PCSK6: variants seen among roughly 807,000 people sequenced by gnomAD.
The protein encoded by PCSK6 is proprotein convertase subtilisin/kexin type 6.
In PCSK6, 85 loss-of-function variants were observed where a neutral mutation model predicts 123.3. The observed-to-expected ratio is 0.69, with a 90% confidence interval of 0.58 to 0.83. The LOEUF (loss-of-function observed/expected upper bound fraction) is 0.83. Ranked by LOEUF, PCSK6 falls within the 40% of genes least tolerant of loss-of-function variation. The probability of loss-of-function intolerance (pLI) is 0.00; values close to 1 mark genes in which losing one functional copy is unlikely to be tolerated. For missense variants in PCSK6, 1,191 were observed against 1,282.3 expected (o/e 0.93, Z 1.09); for synonymous variants, 508 against 516.0 (o/e 0.98, Z 0.21).
At chr15:101,316,908 C>CTTTTTTTTTT (rs2040001564) in intron 19 of PCSK6, among the ~76,000 whole-genome samples, 21 of 91,670 alleles carry the variant, frequency 2.3e-4, no homozygotes, top group South Asian at 1.3e-3. Context: ...AGACTTAATT[C>CTTTTTTTTTT]TGTTTTTTTT....
intron 11 of PCSK6, among the ~76,000 whole-genome samples, chr15:101,381,205 T>C (rs555607238): frequency 2.0e-5 from 3 of 151,916 alleles, no homozygotes; most frequent in African/African-American, 7.2e-5. Flanking sequence ...CTACTAAAAA[T>C]ACAAAAAAAC....
At chr15:101,370,748 T>A (rs546643645) in intron 11 of PCSK6, among the ~76,000 whole-genome samples, 1 of 152,388 alleles carries the variant, frequency 6.6e-6, no homozygotes, top group African/African-American at 2.4e-5. Context: ...TTACAGAGAT[T>A]TGAAAGATGG....
chr15:101,352,786 G>A (rs932080802), intron 13 of PCSK6, among the ~76,000 whole-genome samples: 6 of 152,150 alleles, frequency 3.9e-5, no homozygotes, highest in African/African-American at 9.7e-5. Flanking sequence ...ATTTTGTTGC[G>A]ATGTTGATGA....
intron 11 of PCSK6, 111 bp from the exon 12 acceptor site, chr15:101,370,634 C>G (rs2041555060): frequency 9.6e-7 from 1 of 1,041,612 alleles, no homozygotes; most frequent in South Asian, 2.8e-5. Flanking sequence ...CCTCAGGGCC[C>G]TGCGGGCCCC....
intron 1 of PCSK6, among the ~76,000 whole-genome samples, chr15:101,446,969 T>C (rs2056907178): frequency 6.6e-6 from 1 of 152,162 alleles, no homozygotes; most frequent in African/African-American, 2.4e-5. Flanking sequence ...TGTGAGGTTT[T>C]CATCACGGGC....
chr15:101,465,234 G>A (rs1057314647), intron 1 of PCSK6, among the ~76,000 whole-genome samples: 5 of 152,204 alleles, frequency 3.3e-5, no homozygotes, highest in African/African-American at 1.2e-4. Context: ...ATGGCCACTT[G>A]TTGCCAGGCG....
At chr15:101,405,487 CG>C (rs1464120313) in intron 6 of PCSK6, among the ~76,000 whole-genome samples, 4 of 152,110 alleles carry the variant, frequency 2.6e-5, no homozygotes, top group Admixed American at 2.0e-4. Flanking sequence ...GGGAAGAACT[CG>C]GGGTGCTATG....
intron 2 of PCSK6, among the ~76,000 whole-genome samples, chr15:101,440,928 G>C (rs150077528): frequency 6.6e-6 from 1 of 152,186 alleles, no homozygotes; most frequent in Admixed American, 6.5e-5. Context: ...TTTCAGTTGC[G>C]ATTCTGAATT....
At chr15:101,447,557 A>C (rs2056923058) in intron 1 of PCSK6, among the ~76,000 whole-genome samples, 1 of 152,236 alleles carries the variant, frequency 6.6e-6, no homozygotes, top group South Asian at 2.1e-4. Context: ...AGTAGGGTTT[A>C]AGATGACTGC....
intron 13 of PCSK6, among the ~76,000 whole-genome samples, chr15:101,353,919 C>A (rs1005073160): frequency 1.6e-4 from 25 of 152,172 alleles, no homozygotes; most frequent in African/African-American, 6.0e-4. Context: ...AAAGGAGAAT[C>A]TAAACACTCA....
At position 101,341,352 on chromosome 15, in the gene PCSK6, G is replaced by A. The variant is rs549640483; in HGVS notation, c.1859-9321C>T. The stretch of plus-strand genomic sequence containing the variant: ...CAACCTCTGCCTCCTGGATTCAAGT[G>A]ATCCTCCTGCCTCAGCCTCCCAAGT... On this transcript the variant is annotated intron_variant, in intron 13 of 21. Coordinates refer to ENST00000611716, the MANE Select transcript of PCSK6 (RefSeq NM_002570.5). Among the ~76,000 whole-genome samples the A allele has an allele frequency of 2.0e-4, 30 of 150,458 alleles. No individual in the cohort carries two copies. The South Asian group carries it at 6.1e-3, about 31-fold the overall frequency.
At chr15:101,412,585 G>A (rs2055727816) in intron 6 of PCSK6, among the ~76,000 whole-genome samples, 1 of 151,186 alleles carries the variant, frequency 6.6e-6, no homozygotes, top group Non-Finnish European at 1.5e-5. Flanking sequence ...ACGATATAAA[G>A]AGGAACCAAG....
Position 101,400,153 on chromosome 15 carries a change from T to C in PCSK6, c.824-1577A>G, listed in dbSNP as rs553982468. Among the ~76,000 whole-genome samples the C allele has an allele frequency of 2.0e-5, 3 of 152,190 alleles. No individual in the cohort carries two copies. The South Asian group carries it at 6.2e-4, about 32-fold the overall frequency. The stretch of plus-strand genomic sequence containing the variant: ...AATCATCCCACCTCAGCCTCCCGAG[T>C]AGCTAGGATCACAGGTGCACACCAC... On this transcript the variant is annotated intron_variant, in intron 6 of 21. Transcript: ENST00000611716.
At chr15:101,435,516 C>T (rs954877482) in intron 2 of PCSK6, among the ~76,000 whole-genome samples, 3 of 152,216 alleles carry the variant, frequency 2.0e-5, no homozygotes, top group African/African-American at 4.8e-5. Context: ...TCTTTAACGT[C>T]ATACTTTGAA....
intron 7 of PCSK6, among the ~76,000 whole-genome samples, chr15:101,394,254 A>T (rs374210190): frequency 1.3e-5 from 2 of 151,406 alleles, no homozygotes; most frequent in East Asian, 3.9e-4. Flanking sequence ...TGCCTATAGA[A>T]GTGTGCCGCC....
In PCSK6 at chr15:101,379,194, C is replaced by T. The variant is rs1412758279; in HGVS notation, c.1532+2898G>A. Among the ~76,000 whole-genome samples, 4 of 152,254 alleles carry T rather than the reference C, an allele frequency of 2.6e-5. No homozygotes were observed. The East Asian group carries it at 5.8e-4, about 22-fold the overall frequency. Reference sequence around the variant, plus strand: ...AGCCCATTTGACTCTTCCTGTCAGTCACCGCCATGAGGACAGTCTCCCTGA... The same window carrying T: ...AGCCCATTTGACTCTTCCTGTCAGTTACCGCCATGAGGACAGTCTCCCTGA... On this transcript the variant is annotated intron_variant, in intron 11 of 21. Transcript: ENST00000611716.
intron 7 of PCSK6, among the ~76,000 whole-genome samples, chr15:101,396,376 C>A (rs1567189428): frequency 6.6e-6 from 1 of 152,144 alleles, no homozygotes; most frequent in Non-Finnish European, 1.5e-5. Context: ...ACAACCAGGA[C>A]CCCTCCTGGA....
chr15:101,448,829 G>T (rs1393443826), intron 1 of PCSK6, among the ~76,000 whole-genome samples: 1 of 152,196 alleles, frequency 6.6e-6, no homozygotes, highest in Admixed American at 6.5e-5. Context: ...TTCTTTCCCA[G>T]AGAACCAGTA....
At chr15:101,365,038 A>C (rs1193804689) in intron 13 of PCSK6, 4 of 775,878 alleles carry the variant, frequency 5.2e-6, no homozygotes, top group Admixed American at 5.1e-5. Flanking sequence ...AGGAGTCTCA[A>C]GATCACCTAA....
Sources: gnomAD v4.1 joint callset for allele counts (sites outside exome capture counted in the v4.1 genomes callset) on GRCh38, gnomAD v4.1.1 for gene constraint, MANE v1.5 for transcripts, NCBI Gene and HGNC (gene_info 2026-07-23, HGNC 2026-07-21) for gene names.